Variants in RALGAPA2 observed in about 807,000 individuals in gnomAD.
RALGAPA2 encodes ral GTPase-activating protein subunit alpha-2.
RALGAPA2 carries 139 observed loss-of-function variants against 230.4 expected under a neutral mutation model. The ratio of observed to expected loss-of-function variants is 0.60; its 90% CI spans 0.53 to 0.69. The LOEUF (loss-of-function observed/expected upper bound fraction) is 0.69. RALGAPA2 is among the 30% of genes least tolerant of loss of function. The probability of loss-of-function intolerance (pLI) is 0.00; values close to 1 mark genes in which losing one functional copy is unlikely to be tolerated. For missense variants in RALGAPA2, 2,163 were observed against 2,276.0 expected, an observed-to-expected ratio of 0.95 and a Z score of 1.01; for synonymous variants, 847 against 837.8, an observed-to-expected ratio of 1.01 and a Z score of -0.19.
At chr20:20,451,605 A>T (rs1263574395) in intron 37 of RALGAPA2, among the ~76,000 whole-genome samples, 1 of 152,210 alleles carries the variant, frequency 6.6e-6, no homozygotes, top group Non-Finnish European at 1.5e-5. Flanking sequence ...GGTTATTTAT[A>T]AAAGAACCAA....
At chr20:20,533,623 C>T (rs931215500) in intron 26 of RALGAPA2, among the ~76,000 whole-genome samples, 1 of 151,758 alleles carries the variant, frequency 6.6e-6, no homozygotes, top group Non-Finnish European at 1.5e-5. Flanking sequence ...TATTTGAAGC[C>T]CAGTAGTAAA....
At chr20:20,556,555 C>A (rs1255975158) in intron 23 of RALGAPA2, among the ~76,000 whole-genome samples, 3 of 152,208 alleles carry the variant, frequency 2.0e-5, no homozygotes, top group Non-Finnish European at 4.4e-5. Flanking sequence ...TACACCATTA[C>A]AGTTTGTACA....
At chr20:20,436,028 A>C (rs2123012911) in intron 37 of RALGAPA2, among the ~76,000 whole-genome samples, 1 of 152,342 alleles carries the variant, frequency 6.6e-6, no homozygotes, top group South Asian at 2.1e-4. Flanking sequence ...AAAATTGCTG[A>C]TTTTTAACCT....
intron 1 of RALGAPA2, among the ~76,000 whole-genome samples, chr20:20,706,012 C>T (rs1027811695): frequency 6.6e-6 from 1 of 152,168 alleles, no homozygotes; most frequent in African/African-American, 2.4e-5. Flanking sequence ...TATATTGATA[C>T]CCCGTTTGGT....
chr20:20,625,309 C>T (rs1432402924), intron 10 of RALGAPA2, among the ~76,000 whole-genome samples: 1 of 152,204 alleles, frequency 6.6e-6, no homozygotes, highest in African/African-American at 2.4e-5. Context: ...GCCATATATA[C>T]ACATATAGAA....
At chr20:20,608,789 C>T (rs2065897485) in intron 14 of RALGAPA2, among the ~76,000 whole-genome samples, 1 of 152,148 alleles carries the variant, frequency 6.6e-6, no homozygotes, top group Admixed American at 6.5e-5. Context: ...GATCACAAAT[C>T]CCAATGGGCC....
chr20:20,590,318 A>G (rs2065251167), intron 17 of RALGAPA2, among the ~76,000 whole-genome samples: 2 of 152,230 alleles, frequency 1.3e-5, no homozygotes, highest in South Asian at 4.1e-4. Context: ...ATGTATAAAA[A>G]AAAAGCCTTA....
At chr20:20,433,123 T>C (rs1431401668) in intron 37 of RALGAPA2, among the ~76,000 whole-genome samples, 6 of 152,370 alleles carry the variant, frequency 3.9e-5, no homozygotes, top group Admixed American at 3.9e-4. Flanking sequence ...TGTCTCTCCA[T>C]TCAGACATAA....
intron 37 of RALGAPA2, among the ~76,000 whole-genome samples, chr20:20,443,433 G>A (rs955537333): frequency 1.3e-5 from 2 of 152,160 alleles, no homozygotes; most frequent in Non-Finnish European, 2.9e-5. Context: ...ATGTCTCCAG[G>A]TGCCTCTTGA....
At chr20:20,610,539 C>A (rs2146278244) in intron 14 of RALGAPA2, among the ~76,000 whole-genome samples, 1 of 152,298 alleles carries the variant, frequency 6.6e-6, no homozygotes, top group East Asian at 1.9e-4. Flanking sequence ...CTCCCCAAGA[C>A]CATCTTGTCC....
intron 37 of RALGAPA2, among the ~76,000 whole-genome samples, chr20:20,418,737 A>ATTAAT (rs1556018201): frequency 6.7e-6 from 1 of 150,018 alleles, no homozygotes; most frequent in Non-Finnish European, 1.5e-5. Context: ...ATTGCTATAC[A>ATTAAT]TTATTTATTT....
chr20:20,472,632 T>G, intron 37 of RALGAPA2, 197 bp downstream of exon 37: 11 of 436,098 alleles, frequency 2.5e-5, no homozygotes, highest in South Asian at 1.2e-4. Context: ...ACTCTAAGTT[T>G]AATGCAGCAT....
chr20:20,393,689 T>C (rs756233152), intron 39 of RALGAPA2, among the ~76,000 whole-genome samples: 20 of 152,226 alleles, frequency 1.3e-4, no homozygotes, highest in Non-Finnish European at 2.8e-4. Context: ...ATCGATATTC[T>C]ACACAATGAG....
intron 23 of RALGAPA2, 87 bp from the exon 24 acceptor site, chr20:20,546,919 G>A (rs1568564001): frequency 2.3e-6 from 3 of 1,300,302 alleles, no homozygotes; most frequent in Non-Finnish European, 3.1e-6. Context: ...TATGACCACT[G>A]TATAATAATC....
At chr20:20,484,801 G>C (rs1223557417) in intron 36 of RALGAPA2, among the ~76,000 whole-genome samples, 2 of 152,222 alleles carry the variant, frequency 1.3e-5, no homozygotes, top group South Asian at 2.1e-4. Context: ...CAATGACTGT[G>C]ATCCCTAATT....
intron 37 of RALGAPA2, among the ~76,000 whole-genome samples, chr20:20,424,861 C>A (rs573550030): frequency 6.7e-6 from 1 of 150,340 alleles, no homozygotes; most frequent in African/African-American, 2.4e-5. Flanking sequence ...CTGTTTGTGG[C>A]AAAGTATAAA....
At chr20:20,606,137 G>A (rs145475051) in intron 14 of RALGAPA2, among the ~76,000 whole-genome samples, 60 of 152,076 alleles carry the variant, frequency 3.9e-4, no homozygotes, top group African/African-American at 1.2e-3. Context: ...AGATTCCCCC[G>A]TCTAGCTACA....
At chr20:20,565,000 A>C (rs765974500) in intron 23 of RALGAPA2, among the ~76,000 whole-genome samples, 74 of 152,236 alleles carry the variant, frequency 4.9e-4, no homozygotes, top group Non-Finnish European at 7.8e-4. Flanking sequence ...CTCTACTGAT[A>C]CACATCAAAG....
At chr20:20,432,871 T>C (rs1316740768) in intron 37 of RALGAPA2, among the ~76,000 whole-genome samples, 3 of 152,232 alleles carry the variant, frequency 2.0e-5, no homozygotes, top group African/African-American at 7.2e-5. Flanking sequence ...ACCCTCAAGC[T>C]GTCCATGTGA....
Sources: allele counts gnomAD v4.1 joint callset (sites outside exome capture counted in the v4.1 genomes callset), GRCh38; gene constraint gnomAD v4.1.1; transcripts MANE v1.5; gene names NCBI Gene and HGNC (gene_info 2026-07-23, HGNC 2026-07-21).